Variants in CHCT1 observed in about 807,000 individuals in gnomAD.
CHCT1 encodes the protein CHD1 helical C-terminal domain containing protein 1.
chr17:60,429,223 T>C, the CHCT1 span: 18 of 900,948 alleles, frequency 2.0e-5, no homozygotes, highest in East Asian at 4.8e-4. Context: ...ACATCTGTGA[T>C]TCCTACCCCA....
At chr17:60,425,797 A>C in the CHCT1 span, 2 of 1,551,388 alleles carry the variant, frequency 1.3e-6, no homozygotes, top group Non-Finnish European at 8.7e-7. Flanking sequence ...CAAATGTGTC[A>C]TGCCTGGAGA....
chr17:60,430,603 C>A, the CHCT1 span, among the ~76,000 whole-genome samples: 8 of 152,230 alleles, frequency 5.3e-5, no homozygotes, highest in Non-Finnish European at 1.2e-4. Flanking sequence ...GCCTCGGCCT[C>A]CTGAGTAGTT....
chr17:60,422,274 G>T, the CHCT1 span: 1 of 408,364 alleles, frequency 2.4e-6, no homozygotes, highest in Non-Finnish European at 4.4e-6. Context: ...GCATCTGACA[G>T]TATTCTTGGG....
the CHCT1 span, among the ~76,000 whole-genome samples, chr17:60,424,107 A>G: frequency 6.6e-6 from 1 of 152,166 alleles, no homozygotes; most frequent in Non-Finnish European, 1.5e-5. Flanking sequence ...TCTCACATGA[A>G]CTGACAGAGT....
chr17:60,426,535 C>A, the CHCT1 span: 2 of 1,068,472 alleles, frequency 1.9e-6, no homozygotes, highest in South Asian at 1.6e-5. Flanking sequence ...TGCGTGCAGG[C>A]GCTCAATACC....
the CHCT1 span, among the ~76,000 whole-genome samples, chr17:60,429,184 C>T: frequency 2.0e-5 from 3 of 152,236 alleles, no homozygotes; most frequent in African/African-American, 7.2e-5. Flanking sequence ...GGCAGCTTGC[C>T]TCCATGTCCC....
chr17:60,421,594 G>C, the CHCT1 span: 1 of 983,840 alleles, frequency 1.0e-6, no homozygotes, highest in Non-Finnish European at 1.2e-6. Flanking sequence ...AGGAAACTGC[G>C]GGGGCAACGG....
chr17:60,430,501 G>T, the CHCT1 span, among the ~76,000 whole-genome samples: 5 of 151,888 alleles, frequency 3.3e-5, no homozygotes, highest in Non-Finnish European at 7.4e-5. Context: ...ATTTTTTTGA[G>T]ACGGAGTCTC....
At chr17:60,426,278 C>G in the CHCT1 span, 3,317 of 1,551,876 alleles carry the variant, frequency 2.1e-3, 8 homozygotes, top group Non-Finnish European at 2.4e-3. Flanking sequence ...CCTAGGGGAC[C>G]ACATCAACAC....
At chr17:60,427,040 G>A in the CHCT1 span, among the ~76,000 whole-genome samples, 5 of 152,196 alleles carry the variant, frequency 3.3e-5, no homozygotes, top group South Asian at 2.1e-4. Context: ...TTTGATGCAC[G>A]GGCAAGCCCG....
chr17:60,422,736 A>T, the CHCT1 span: 1 of 1,325,736 alleles, frequency 7.5e-7, no homozygotes, highest in African/African-American at 1.5e-5. Context: ...AGAAGAGAAG[A>T]ACAATGATAG....
At chr17:60,421,278 C>A in the CHCT1 span, 1 of 784,082 alleles carries the variant, frequency 1.3e-6, no homozygotes, top group African/African-American at 1.9e-5. Context: ...AACAACAAGA[C>A]GTTTGCTGAA....
the CHCT1 span, among the ~76,000 whole-genome samples, chr17:60,423,818 A>G: frequency 6.6e-6 from 1 of 152,216 alleles, no homozygotes; most frequent in Non-Finnish European, 1.5e-5. Flanking sequence ...CTTTCTCATC[A>G]TCACCATCAT....
At chr17:60,422,319 G>T in the CHCT1 span, 2 of 644,328 alleles carry the variant, frequency 3.1e-6, no homozygotes, top group South Asian at 1.9e-5. Flanking sequence ...CCTGCTGTGC[G>T]CTCTGCCAAA....
At chr17:60,423,367 A>AT in the CHCT1 span, among the ~76,000 whole-genome samples, 1 of 151,684 alleles carries the variant, frequency 6.6e-6, no homozygotes, top group South Asian at 2.1e-4. Flanking sequence ...TAATTTTTGT[A>AT]TTTTTGGTAG....
At chr17:60,422,607 T>G in the CHCT1 span, 35 of 1,546,074 alleles carry the variant, frequency 2.3e-5, no homozygotes, top group Non-Finnish European at 3.1e-5. Context: ...AGGCCTCAGA[T>G]GGGCAAGGGG....
chr17:60,429,642 C>A, the CHCT1 span: 2 of 1,381,160 alleles, frequency 1.4e-6, no homozygotes. Flanking sequence ...TAGACTCAAG[C>A]AGCCGGGAGC....
the CHCT1 span, chr17:60,426,510 C>T: frequency 1.9e-6 from 2 of 1,050,536 alleles, no homozygotes; most frequent in Non-Finnish European, 2.7e-6. Context: ...TGCACCTTGT[C>T]TCTGACTGAA....
chr17:60,426,007 A>G, the CHCT1 span: 1 of 1,262,728 alleles, frequency 7.9e-7, no homozygotes, highest in Non-Finnish European at 1.1e-6. Flanking sequence ...CTTGGTAAGG[A>G]CTTTTGGTGA....
Sources: allele counts gnomAD v4.1 joint callset (sites outside exome capture counted in the v4.1 genomes callset), GRCh38; gene constraint gnomAD v4.1.1; transcripts MANE v1.5; gene names NCBI Gene and HGNC (gene_info 2026-07-23, HGNC 2026-07-21).